SAMMSON: variants seen among roughly 807,000 people sequenced by gnomAD.
The protein encoded by SAMMSON is survival associated mitochondrial melanoma specific oncogenic non-coding RNA, also known as long intergenic non-protein coding RNA 1212.
intron 4 of SAMMSON, among the ~76,000 whole-genome samples, chr3:70,226,071 A>C (rs768890499): frequency 2.6e-5 from 4 of 152,226 alleles, no homozygotes; most frequent in Non-Finnish European, 4.4e-5. Context: ...CACTTAAAAA[A>C]AATAAAAGAC....
chr3:70,353,068 T>C (rs1035035141), intron 7 of SAMMSON, among the ~76,000 whole-genome samples: 3 of 151,988 alleles, frequency 2.0e-5, no homozygotes, highest in Non-Finnish European at 4.4e-5. Flanking sequence ...AGTTTCACTT[T>C]ATATTTAAAA....
At chr3:70,167,874 T>A (rs2067644307) in intron 4 of SAMMSON, among the ~76,000 whole-genome samples, 1 of 151,944 alleles carries the variant, frequency 6.6e-6, no homozygotes, top group African/African-American at 2.4e-5. Context: ...TCCTTATCAC[T>A]GAATTTGAAG....
chr3:70,306,886 A>G (rs1412407915), intron 7 of SAMMSON, among the ~76,000 whole-genome samples: 1 of 152,186 alleles, frequency 6.6e-6, no homozygotes, highest in Non-Finnish European at 1.5e-5. Context: ...GCTCATATGT[A>G]TAAATATGTA....
chr3:70,194,632 T>A (rs1487139355), intron 4 of SAMMSON, among the ~76,000 whole-genome samples: 4 of 152,208 alleles, frequency 2.6e-5, no homozygotes, highest in Non-Finnish European at 4.4e-5. Flanking sequence ...AAAGATCTTG[T>A]AGTGTTCTGA....
At chr3:70,412,345 C>T (rs1265423858) in intron 2 of SAMMSON, among the ~76,000 whole-genome samples, 1 of 152,090 alleles carries the variant, frequency 6.6e-6, no homozygotes, top group Non-Finnish European at 1.5e-5. Context: ...ATGCATAGTA[C>T]ATTTAACAAA....
At chr3:70,362,449 C>A (rs1357482845) in intron 9 of SAMMSON, among the ~76,000 whole-genome samples, 2 of 152,046 alleles carry the variant, frequency 1.3e-5, no homozygotes, top group African/African-American at 2.4e-5. Flanking sequence ...TATAGAAAGT[C>A]TGTTTAGTAG....
chr3:70,162,991 G>A (rs2067622095), intron 4 of SAMMSON, among the ~76,000 whole-genome samples: 1 of 151,458 alleles, frequency 6.6e-6, no homozygotes, highest in African/African-American at 2.4e-5. Context: ...TTTGCATGGT[G>A]TTCCTATTTC....
chr3:70,014,508 A>G (rs1162924812), intron 3 of SAMMSON: 1 of 152,142 alleles, frequency 6.6e-6, no homozygotes, highest in African/African-American at 2.4e-5. Flanking sequence ...AAACAAAACC[A>G]TTACCTTTAG....
At chr3:70,147,707 A>G (rs893309982) in intron 4 of SAMMSON, among the ~76,000 whole-genome samples, 13 of 149,752 alleles carry the variant, frequency 8.7e-5, no homozygotes, top group Non-Finnish European at 1.8e-4. Flanking sequence ...AGAAGAAAAC[A>G]TGGAGGAAAA....
intron 3 of SAMMSON, among the ~76,000 whole-genome samples, chr3:70,018,022 C>A (rs1005796730): frequency 6.6e-6 from 1 of 152,124 alleles, no homozygotes; most frequent in Non-Finnish European, 1.5e-5. Flanking sequence ...CGATGTTCAT[C>A]AGGGATATTG....
At chr3:70,106,446 T>G (rs1300574695) in intron 4 of SAMMSON, among the ~76,000 whole-genome samples, 1 of 151,054 alleles carries the variant, frequency 6.6e-6, no homozygotes, top group African/African-American at 2.4e-5. Context: ...GCTCAAGCAA[T>G]CCTCACACCC....
intron 4 of SAMMSON, among the ~76,000 whole-genome samples, chr3:70,231,077 C>T (rs1441900501): frequency 1.3e-5 from 2 of 152,190 alleles, no homozygotes; most frequent in Non-Finnish European, 2.9e-5. Flanking sequence ...CCATTCCTGA[C>T]ATAACAGCTC....
At chr3:70,281,709 C>A (rs1188125634) in intron 6 of SAMMSON, among the ~76,000 whole-genome samples, 1 of 152,142 alleles carries the variant, frequency 6.6e-6, no homozygotes, top group Non-Finnish European at 1.5e-5. Flanking sequence ...TGCCCCACCT[C>A]AAGTGAACTC....
intron 9 of SAMMSON, among the ~76,000 whole-genome samples, chr3:70,366,399 T>C (rs572637897): frequency 1.3e-4 from 20 of 151,808 alleles, no homozygotes; most frequent in Admixed American, 1.1e-3. Context: ...ATGTAGTATA[T>C]AGCCTTTTTG....
At chr3:70,134,092 A>G (rs1019011697) in intron 4 of SAMMSON, among the ~76,000 whole-genome samples, 1 of 149,920 alleles carries the variant, frequency 6.7e-6, no homozygotes, top group Non-Finnish European at 1.5e-5. Context: ...AAATACAAAA[A>G]AAAAAAAAAA....
chr3:70,004,822 T>A (rs1290044569), intron 1 of SAMMSON, among the ~76,000 whole-genome samples: 1 of 152,186 alleles, frequency 6.6e-6, no homozygotes, highest in Admixed American at 6.5e-5. Flanking sequence ...CATCCTTGAG[T>A]ATCTTTCTCT....
chr3:70,259,864 A>T (rs1262980338), intron 6 of SAMMSON, among the ~76,000 whole-genome samples: 2 of 152,180 alleles, frequency 1.3e-5, no homozygotes, highest in Admixed American at 6.5e-5. Context: ...ACTTACAATC[A>T]TGGTGGAAGG....
intron 7 of SAMMSON, chr3:70,291,260 A>G (rs73102677): frequency 0.13 from 19,320 of 152,174 alleles, 1,349 homozygotes; most frequent in South Asian, 0.21. Context: ...TACATTATCT[A>G]GGACTCTATT....
chr3:70,011,142 C>T (rs1321115550), intron 1 of SAMMSON, among the ~76,000 whole-genome samples: 7 of 152,068 alleles, frequency 4.6e-5, no homozygotes, highest in Admixed American at 6.5e-5. Context: ...ACTGTAGATA[C>T]ATAATAGTTT....
Sources: allele counts gnomAD v4.1 joint callset (sites outside exome capture counted in the v4.1 genomes callset), GRCh38; gene constraint gnomAD v4.1.1; transcripts MANE v1.5; gene names NCBI Gene and HGNC (gene_info 2026-07-23, HGNC 2026-07-21).